The following SGCD variants were observed in gnomAD, a reference collection of about 807,000 sequenced individuals.
The protein encoded by SGCD is sarcoglycan delta, also known as delta-sarcoglycan.
Under a neutral mutation model 36.6 loss-of-function variants are expected in SGCD, and 18 were observed. The ratio of observed to expected loss-of-function variants is 0.49; its 90% confidence interval spans 0.34 to 0.73. The LOEUF is 0.73. SGCD is among the 30% of genes least tolerant of loss of function. SGCD has a pLI of 0.01. For missense variants in SGCD, 387 were observed against 346.7 expected (o/e 1.12, Z -0.92); for synonymous variants, 133 against 130.6 (o/e 1.02, Z -0.12).
intron 1 of SGCD, among the ~76,000 whole-genome samples, chr5:155,913,975 T>C (rs920164086): frequency 1.3e-5 from 2 of 152,174 alleles, no homozygotes; most frequent in Non-Finnish European, 2.9e-5. Context: ...TAAGCTTTCA[T>C]TGAGCATAAA....
At chr5:156,537,088 T>C (rs1437877717) in intron 4 of SGCD, among the ~76,000 whole-genome samples, 1 of 152,184 alleles carries the variant, frequency 6.6e-6, no homozygotes, top group Non-Finnish European at 1.5e-5. Context: ...GCAAAACATC[T>C]ACAGCACCTA....
At chr5:156,726,526 A>G (rs372279410) in intron 7 of SGCD, among the ~76,000 whole-genome samples, 57 of 152,166 alleles carry the variant, frequency 3.7e-4, no homozygotes, top group East Asian at 7.7e-4. Flanking sequence ...ACTGCCTTTA[A>G]AGGAAAGACC....
chr5:156,530,070 A>G (rs887637725), intron 4 of SGCD, among the ~76,000 whole-genome samples: 16 of 152,240 alleles, frequency 1.1e-4, no homozygotes, highest in Admixed American at 4.6e-4. Context: ...GCAGACTGCC[A>G]TGTTTTCTTC....
At chr5:156,184,371 G>GTTTTTTTTT (rs3036754) in intron 3 of SGCD, among the ~76,000 whole-genome samples, 1 of 141,498 alleles carries the variant, frequency 7.1e-6, no homozygotes, top group Non-Finnish European at 1.5e-5. Flanking sequence ...CAAGCAGCCA[G>GTTTTTTTTT]TTTTTTTTTT....
chr5:156,674,863 A>C (rs1753445727), intron 7 of SGCD, among the ~76,000 whole-genome samples: 1 of 152,210 alleles, frequency 6.6e-6, no homozygotes, highest in African/African-American at 2.4e-5. Context: ...AAATTTCAAG[A>C]GGGCGTTTTC....
chr5:156,249,988 G>A (rs1765535938), intron 3 of SGCD, among the ~76,000 whole-genome samples: 1 of 152,100 alleles, frequency 6.6e-6, no homozygotes, highest in Non-Finnish European at 1.5e-5. Context: ...TTAACTATAT[G>A]TGTCCATAGA....
intron 3 of SGCD, among the ~76,000 whole-genome samples, chr5:156,422,117 C>T (rs886343167): frequency 1.3e-5 from 2 of 152,038 alleles, no homozygotes; most frequent in African/African-American, 4.8e-5. Context: ...CATTGGGCCT[C>T]TTTTTCCCAT....
At chr5:155,814,948 A>G in the SGCD span, among the ~76,000 whole-genome samples, 1 of 152,228 alleles carries the variant, frequency 6.6e-6, no homozygotes, top group Non-Finnish European at 1.5e-5. Flanking sequence ...GGCTATTTCT[A>G]TGTTTGATCA....
intron 3 of SGCD, among the ~76,000 whole-genome samples, chr5:156,407,590 A>G (rs1424895719): frequency 6.6e-6 from 1 of 152,238 alleles, no homozygotes; most frequent in Non-Finnish European, 1.5e-5. Flanking sequence ...AGGAAAAAAA[A>G]TGTAAGGGAA....
chr5:156,693,857 G>C (rs1449830204), intron 7 of SGCD, among the ~76,000 whole-genome samples: 2 of 152,096 alleles, frequency 1.3e-5, no homozygotes, highest in Non-Finnish European at 2.9e-5. Context: ...ATCTTTCCTG[G>C]ACCCTCCTTT....
chr5:156,057,948 A>C (rs570887600), intron 1 of SGCD, among the ~76,000 whole-genome samples: 1 of 146,442 alleles, frequency 6.8e-6, no homozygotes, highest in East Asian at 1.9e-4. Context: ...GGTATAACTC[A>C]AAGGAATCAA....
chr5:156,007,976 C>T (rs971218594), intron 1 of SGCD, among the ~76,000 whole-genome samples: 9 of 152,132 alleles, frequency 5.9e-5, no homozygotes, highest in Non-Finnish European at 1.2e-4. Flanking sequence ...CCCTATAGGA[C>T]GTAAGTCAGG....
chr5:156,114,257 G>A (rs532489777), intron 1 of SGCD, among the ~76,000 whole-genome samples: 1 of 152,132 alleles, frequency 6.6e-6, no homozygotes, highest in East Asian at 1.9e-4. Context: ...GAGCACAAGG[G>A]ATATATATGC....
chr5:155,928,569 G>C (rs1757037227), intron 1 of SGCD, among the ~76,000 whole-genome samples: 1 of 150,100 alleles, frequency 6.7e-6, no homozygotes, highest in African/African-American at 2.5e-5. Context: ...TGAGGAGGTT[G>C]AGGCAGGAGA....
chr5:156,068,343 A>G (rs568554168), intron 1 of SGCD, among the ~76,000 whole-genome samples: 16 of 151,768 alleles, frequency 1.1e-4, no homozygotes, highest in South Asian at 2.1e-4. Flanking sequence ...TCATTGTTCA[A>G]TTCCCACTTA....
chr5:155,990,491 G>A (rs554215798), intron 1 of SGCD, among the ~76,000 whole-genome samples: 6 of 152,150 alleles, frequency 3.9e-5, no homozygotes, highest in Non-Finnish European at 7.4e-5. Context: ...CATGTTTCAG[G>A]GGCAGGATGG....
At chr5:156,416,839 C>T (rs1031374697) in intron 3 of SGCD, among the ~76,000 whole-genome samples, 2 of 152,200 alleles carry the variant, frequency 1.3e-5, no homozygotes, top group South Asian at 2.1e-4. Context: ...TTCATCACAA[C>T]CTTGCCAGCA....
the SGCD span, among the ~76,000 whole-genome samples, chr5:155,746,660 A>G: frequency 6.6e-6 from 1 of 151,788 alleles, no homozygotes; most frequent in Non-Finnish European, 1.5e-5. Flanking sequence ...CTGCCCACCT[A>G]GTTCCTGCCC....
At chr5:156,054,990 G>C (rs942528472) in intron 1 of SGCD, among the ~76,000 whole-genome samples, 3 of 146,060 alleles carry the variant, frequency 2.1e-5, no homozygotes, top group African/African-American at 7.4e-5. Context: ...GGTCCAAAAG[G>C]AAGCTGTTTT....
Sources: allele counts gnomAD v4.1 joint callset (sites outside exome capture counted in the v4.1 genomes callset), GRCh38; gene constraint gnomAD v4.1.1; transcripts MANE v1.5; gene names NCBI Gene and HGNC (gene_info 2026-07-23, HGNC 2026-07-21).